CDKAL1: variants seen among roughly 807,000 people sequenced by gnomAD.
CDKAL1 encodes the protein CDKAL1 threonylcarbamoyladenosine tRNA methylthiotransferase.
A neutral mutation model predicts 68.2 loss-of-function variants in CDKAL1; 32 were observed. That is an observed-to-expected ratio of 0.47 (90% CI 0.35 to 0.63). The LOEUF (loss-of-function observed/expected upper bound fraction) is 0.63. CDKAL1 is among the 30% of genes least tolerant of loss of function. CDKAL1 has a pLI of 0.00. For missense variants in CDKAL1, 606 were observed against 696.7 expected, an observed-to-expected ratio of 0.87 and a Z score of 1.47; for synonymous variants, 234 against 244.3, an observed-to-expected ratio of 0.96 and a Z score of 0.39.
intron 9 of CDKAL1, among the ~76,000 whole-genome samples, chr6:20,851,440 G>A (rs1167605092): frequency 6.6e-6 from 1 of 152,120 alleles, no homozygotes; most frequent in Non-Finnish European, 1.5e-5. Flanking sequence ...AAGTGTGCAG[G>A]GTGAGTGGTG....
At chr6:20,730,067 C>A (rs1028228275) in intron 5 of CDKAL1, among the ~76,000 whole-genome samples, 1 of 152,042 alleles carries the variant, frequency 6.6e-6, no homozygotes, top group East Asian at 1.9e-4. Context: ...TGCCTGTAAT[C>A]CCAGCACTTT....
chr6:21,042,526 C>T (rs1194000854), intron 11 of CDKAL1, among the ~76,000 whole-genome samples: 1 of 152,146 alleles, frequency 6.6e-6, no homozygotes, highest in Non-Finnish European at 1.5e-5. Context: ...ATATTCACTC[C>T]CTTTTTACTG....
rs574163259 is a variant in CDKAL1 at position 20,753,360 on chromosome 6, C to A, written c.469-5235C>A. 3.9e-4 allele frequency among the ~76,000 whole-genome samples: 59 copies of A among 152,216 alleles called. No individual in the cohort carries two copies. In the East Asian group the frequency reaches 0.011, roughly 28 times the overall value. On this transcript the variant is annotated intron_variant, in intron 6 of 15. Coordinates refer to ENST00000274695, the MANE Select transcript of CDKAL1 (RefSeq NM_017774.3). ...CAGGCACCACGTAACAAACTTTAATCAATGATGTATATAAGTCAGTGGTCT... is the reference window on the plus strand; with the variant it reads ...CAGGCACCACGTAACAAACTTTAATAAATGATGTATATAAGTCAGTGGTCT...
intron 15 of CDKAL1, among the ~76,000 whole-genome samples, chr6:21,201,763 T>C (rs1778701006): frequency 6.6e-6 from 1 of 152,144 alleles, no homozygotes; most frequent in Admixed American, 6.5e-5. Context: ...GGAGTGAAAA[T>C]TAAACATTTT....
intron 15 of CDKAL1, among the ~76,000 whole-genome samples, chr6:21,202,249 A>G (rs1778720730): frequency 6.6e-6 from 1 of 152,216 alleles, no homozygotes; most frequent in Non-Finnish European, 1.5e-5. Flanking sequence ...ACAAGTGCCC[A>G]TGAAGGATCT....
intron 4 of CDKAL1, among the ~76,000 whole-genome samples, chr6:20,580,010 C>T (rs1035207695): frequency 6.6e-6 from 1 of 152,154 alleles, no homozygotes; most frequent in Non-Finnish European, 1.5e-5. Context: ...CAATTTTGTG[C>T]TTATTCAAGG....
chr6:21,082,651 A>T (rs1772465039), intron 12 of CDKAL1, among the ~76,000 whole-genome samples: 1 of 152,146 alleles, frequency 6.6e-6, no homozygotes, highest in African/African-American at 2.4e-5. Context: ...GCCTTAGAAA[A>T]TTTTTAAACT....
intron 13 of CDKAL1, among the ~76,000 whole-genome samples, chr6:21,128,439 T>G (rs1775127318): frequency 6.6e-6 from 1 of 152,232 alleles, no homozygotes; most frequent in South Asian, 2.1e-4. Context: ...GAGTTAATTG[T>G]TACATTCAAT....
intron 13 of CDKAL1, among the ~76,000 whole-genome samples, chr6:21,169,815 A>G (rs748444189): frequency 6.6e-6 from 1 of 152,262 alleles, no homozygotes; most frequent in Non-Finnish European, 1.5e-5. Context: ...GCAAAGTCAC[A>G]TCTTGCATGG....
chr6:21,201,902 A>G (rs1423020703), intron 15 of CDKAL1, among the ~76,000 whole-genome samples: 1 of 152,124 alleles, frequency 6.6e-6, no homozygotes, highest in African/African-American at 2.4e-5. Flanking sequence ...GAAAATGTGT[A>G]TCACATTTCT....
chr6:20,544,232 T>A (rs1378741004), intron 2 of CDKAL1, among the ~76,000 whole-genome samples: 1 of 151,802 alleles, frequency 6.6e-6, no homozygotes, highest in Non-Finnish European at 1.5e-5. Flanking sequence ...TCTGTTATGT[T>A]CCATTGATCT....
intron 9 of CDKAL1, among the ~76,000 whole-genome samples, chr6:20,899,232 T>C (rs1284645627): frequency 6.6e-6 from 1 of 151,698 alleles, no homozygotes; most frequent in Non-Finnish European, 1.5e-5. Context: ...ACCTGGATAA[T>C]TTTTGTATTT....
intron 9 of CDKAL1, among the ~76,000 whole-genome samples, chr6:20,849,630 T>C (rs1000787993): frequency 6.7e-6 from 1 of 150,314 alleles, no homozygotes; most frequent in African/African-American, 2.4e-5. Context: ...TTACTTAAAC[T>C]AAAATCCGAA....
chr6:21,071,845 GC>G (rs1252650990), intron 12 of CDKAL1, among the ~76,000 whole-genome samples: 1 of 152,120 alleles, frequency 6.6e-6, no homozygotes, highest in African/African-American at 2.4e-5. Flanking sequence ...ATTTCTGCCT[GC>G]CCTTACTTTT....
At chr6:21,024,582 A>G (rs1768857018) in intron 11 of CDKAL1, among the ~76,000 whole-genome samples, 1 of 152,206 alleles carries the variant, frequency 6.6e-6, no homozygotes, top group African/African-American at 2.4e-5. Flanking sequence ...TCAAAAATAC[A>G]TGTCCTCCAG....
Position 20,553,512 on chromosome 6 carries a change from A to C in CDKAL1, c.286+4807A>C, listed in dbSNP as rs560277673. Among the ~76,000 whole-genome samples the C allele has an allele frequency of 3.3e-5, 5 of 152,330 alleles. No homozygotes were observed. In the East Asian group the frequency reaches 9.7e-4, roughly 29 times the overall value. ...TGACAGAGTGAGACACTGTCTCAAA[A>C]AAACAAACAAAAACAACAGCTTCAT... On this transcript the variant is annotated intron_variant, in intron 4 of 15. Coordinates refer to ENST00000274695, the MANE Select transcript of CDKAL1 (RefSeq NM_017774.3).
chr6:21,022,921 AAT>A (rs961852861), intron 11 of CDKAL1, among the ~76,000 whole-genome samples: 5 of 152,166 alleles, frequency 3.3e-5, no homozygotes, highest in African/African-American at 7.2e-5. Context: ...CATATTGTCC[AAT>A]ATATTTTAGG....
intron 15 of CDKAL1, among the ~76,000 whole-genome samples, chr6:21,209,277 C>G (rs72838046): frequency 0.14 from 21,738 of 152,074 alleles, 1,627 homozygotes; most frequent in East Asian, 0.22. Context: ...ATCCTTTGTC[C>G]ACGTTCAAGA....
chr6:20,965,915 C>A (rs1561922113), intron 10 of CDKAL1, among the ~76,000 whole-genome samples: 1 of 152,232 alleles, frequency 6.6e-6, no homozygotes, highest in Non-Finnish European at 1.5e-5. Flanking sequence ...ACACATAAGG[C>A]AATCCACGTA....
Sources: gnomAD v4.1 joint callset for allele counts (sites outside exome capture counted in the v4.1 genomes callset) on GRCh38, gnomAD v4.1.1 for gene constraint, MANE v1.5 for transcripts, NCBI Gene and HGNC (gene_info 2026-07-23, HGNC 2026-07-21) for gene names.